ADAMTS17: variants seen among roughly 807,000 people sequenced by gnomAD.
ADAMTS17 encodes the protein A disintegrin and metalloproteinase with thrombospondin motifs 17.
ADAMTS17 carries 113 observed loss-of-function variants against 141.5 expected under a neutral mutation model. That is an observed-to-expected ratio of 0.80 (90% CI 0.69 to 0.93). ADAMTS17 has a LOEUF of 0.93. ADAMTS17 is among the 40% of genes least tolerant of loss of function. The probability of loss-of-function intolerance (pLI) is 0.00; values close to 1 mark genes in which losing one functional copy is unlikely to be tolerated. For missense variants in ADAMTS17, 1,659 were observed against 1,517.9 expected, an observed-to-expected ratio of 1.09 and a Z score of -1.54; for synonymous variants, 768 against 630.6, an observed-to-expected ratio of 1.22 and a Z score of -3.27.
At chr15:100,220,052 A>G (rs1404398053) in intron 7 of ADAMTS17, among the ~76,000 whole-genome samples, 5 of 152,152 alleles carry the variant, frequency 3.3e-5, no homozygotes, top group Admixed American at 3.3e-4. Context: ...TCTATTCCTA[A>G]TGCATCGCCA....
chr15:100,195,049 C>T (rs1190489186), intron 8 of ADAMTS17, among the ~76,000 whole-genome samples: 2 of 152,260 alleles, frequency 1.3e-5, no homozygotes, highest in African/African-American at 4.8e-5. Context: ...GCCAACATTT[C>T]TAATTACTAG....
At chr15:99,988,263 G>A (rs1046377617) in intron 20 of ADAMTS17, among the ~76,000 whole-genome samples, 1 of 152,148 alleles carries the variant, frequency 6.6e-6, no homozygotes, top group Non-Finnish European at 1.5e-5. Flanking sequence ...ATGCCTTGAT[G>A]TCCTTCCCAC....
intron 7 of ADAMTS17, among the ~76,000 whole-genome samples, chr15:100,214,943 T>C (rs945264397): frequency 3.3e-5 from 5 of 152,230 alleles, no homozygotes; most frequent in African/African-American, 7.2e-5. Context: ...AACTCTCTTT[T>C]AGGAGGAAAC....
At chr15:100,129,078 G>GCA (rs2037898239) in intron 12 of ADAMTS17, 1 of 152,190 alleles carries the variant, frequency 6.6e-6, no homozygotes, top group Admixed American at 6.5e-5. Context: ...CTTAAATGTT[G>GCA]ACAGTCTCAG....
At chr15:100,040,659 C>T (rs981108518) in intron 18 of ADAMTS17, among the ~76,000 whole-genome samples, 5 of 146,212 alleles carry the variant, frequency 3.4e-5, no homozygotes, top group African/African-American at 1.1e-4. Flanking sequence ...AATGATCAAA[C>T]GAAGGGATGG....
At chr15:100,249,551 T>C (rs1474540488) in intron 7 of ADAMTS17, among the ~76,000 whole-genome samples, 3 of 152,156 alleles carry the variant, frequency 2.0e-5, no homozygotes, top group African/African-American at 7.2e-5. Flanking sequence ...TGGTGGCACA[T>C]GGACCAGACA....
In ADAMTS17 at chr15:100,253,852, AC is replaced by A. The variant is rs2043238489; in HGVS notation, c.1075+283del. Among the ~76,000 whole-genome samples, 3 of 151,526 alleles carry A rather than the reference AC, an allele frequency of 2.0e-5. No homozygotes were observed. In the South Asian group the frequency reaches 6.3e-4, roughly 32 times the overall value. Reference sequence around the variant, plus strand: ...GACCAAAATGCTCAGAGCCAAATGCACCCCCAACTGCAGACCCCTTGGAACG... The same window carrying A: ...GACCAAAATGCTCAGAGCCAAATGCACCCCAACTGCAGACCCCTTGGAACG... On this transcript the variant is annotated intron_variant, in intron 7 of 21. Coordinates refer to ENST00000268070, the MANE Select transcript of ADAMTS17 (RefSeq NM_139057.4).
chr15:100,090,892 C>G (rs1418702472), intron 15 of ADAMTS17, among the ~76,000 whole-genome samples: 2 of 151,616 alleles, frequency 1.3e-5, no homozygotes, highest in African/African-American at 4.9e-5. Flanking sequence ...CCAGTAATCT[C>G]AGCTACTCAG....
chr15:100,183,390 T>C (rs973527377), intron 8 of ADAMTS17, among the ~76,000 whole-genome samples: 15 of 152,336 alleles, frequency 9.8e-5, no homozygotes, highest in African/African-American at 3.6e-4. Flanking sequence ...ATTATATTCA[T>C]CTAAGTTCAC....
intron 2 of ADAMTS17, among the ~76,000 whole-genome samples, chr15:100,340,744 C>T (rs2046337385): frequency 6.6e-6 from 1 of 151,198 alleles, no homozygotes; most frequent in Non-Finnish European, 1.5e-5. Flanking sequence ...TTCATCCCTG[C>T]CAGATCTGCG....
intron 13 of ADAMTS17, 144 bp from the exon 14 acceptor site, chr15:100,109,260 C>CCAGCTCCTCTAAACACGCGGCG: frequency 8.6e-7 from 1 of 1,165,204 alleles, no homozygotes; most frequent in East Asian, 2.6e-5. Flanking sequence ...GGTACGCGCT[C>CCAGCTCCTCTAAACACGCGGCG]CAGGAAGCGG....
chr15:99,980,335 T>G (rs2060458522), intron 20 of ADAMTS17: 1 of 152,116 alleles, frequency 6.6e-6, no homozygotes, highest in South Asian at 2.1e-4. Context: ...AAGTAAAAAC[T>G]AAAAACAGAG....
In ADAMTS17 at chr15:100,341,950, C is replaced by T. The variant is rs1296593401; in HGVS notation, c.-51G>A. On this transcript the variant is annotated 5_prime_UTR_variant, in exon 1 of 22. Transcript: ENST00000268070. Reference sequence around the variant, plus strand: ...GGACCGTGGCGGCGAAGCAGGAGCGCGCTAGGCGGCGGCGCCAGCCGGAGT... The same window carrying T: ...GGACCGTGGCGGCGAAGCAGGAGCGTGCTAGGCGGCGGCGCCAGCCGGAGT... 6.5e-7 allele frequency: 1 copy of T among 1,542,710 alleles called. No homozygotes were observed. The highest frequency in any genetic ancestry group is 8.8e-7 in the Non-Finnish European group (1 of 1,142,780).
intron 15 of ADAMTS17, among the ~76,000 whole-genome samples, chr15:100,060,708 G>A (rs188717167): frequency 6.6e-6 from 1 of 152,324 alleles, no homozygotes; most frequent in African/African-American, 2.4e-5. Context: ...TCGGAGTTCT[G>A]CCAGCTCTGT....
At chr15:100,307,595 T>G (rs1596488488) in intron 3 of ADAMTS17, among the ~76,000 whole-genome samples, 1 of 152,232 alleles carries the variant, frequency 6.6e-6, no homozygotes, top group Non-Finnish European at 1.5e-5. Flanking sequence ...GGCTAAGCAA[T>G]GCAGACCTCC....
intron 10 of ADAMTS17, among the ~76,000 whole-genome samples, chr15:100,148,680 A>G (rs905577279): frequency 4.3e-4 from 65 of 152,012 alleles, no homozygotes; most frequent in African/African-American, 1.6e-3. Context: ...CTTTCAAACA[A>G]TTTCATTATA....
chr15:100,311,051 A>G (rs1360351981), intron 3 of ADAMTS17, among the ~76,000 whole-genome samples: 1 of 152,248 alleles, frequency 6.6e-6, no homozygotes, highest in Non-Finnish European at 1.5e-5. Flanking sequence ...TGAGAAGGCT[A>G]GACCTTTTTG....
rs190387946 is a variant in ADAMTS17 at position 100,130,219 on chromosome 15, C to T, written c.1721+1788G>A. 3.0e-3 allele frequency among the ~76,000 whole-genome samples: 457 copies of T among 152,118 alleles called. 7 individuals carry two copies. Among genetic ancestry groups the T allele is most frequent in the African/African-American group, 0.01 (432 of 41,506 alleles). ...TCTCTACTAAAAATACAAAAAGTAG[C>T]TGGGAGTTGTGGTGCACTCCTGTAA... On this transcript the variant is annotated intron_variant, in intron 12 of 21. Transcript: ENST00000268070.
rs1304484899 is a variant in ADAMTS17 at position 99,987,110 on chromosome 15, T to C, written c.2949+5938A>G. On this transcript the variant is annotated intron_variant, in intron 20 of 21. Coordinates refer to ENST00000268070, the MANE Select transcript of ADAMTS17 (RefSeq NM_139057.4). ...AGGAGTGCTCAGCCATGCCTGGGCG[T>C]CCTCCCCCAGCTAGCACCTGCAGCA... is the stretch of plus-strand genomic sequence containing the variant. Among the ~76,000 whole-genome samples the C allele has an allele frequency of 2.6e-5, 4 of 152,086 alleles. No homozygotes were observed. In the East Asian group the frequency reaches 7.7e-4, roughly 29 times the overall value.
Sources: allele counts gnomAD v4.1 joint callset (sites outside exome capture counted in the v4.1 genomes callset), GRCh38; gene constraint gnomAD v4.1.1; transcripts MANE v1.5; gene names NCBI Gene and HGNC (gene_info 2026-07-23, HGNC 2026-07-21).